Variants in SCARA3 observed in about 807,000 individuals in gnomAD.
SCARA3 encodes the protein cellular stress response gene protein.
In SCARA3, 39 loss-of-function variants were observed where a neutral mutation model predicts 47.0. That is an observed-to-expected ratio of 0.83 (90% CI 0.64 to 1.08). The LOEUF is 1.08. SCARA3 is among the 50% of genes least tolerant of loss of function. The probability of loss-of-function intolerance (pLI) is 0.00; values close to 1 mark genes in which losing one functional copy is unlikely to be tolerated. For synonymous variants in SCARA3, 356 were observed against 334.1 expected (o/e 1.07, Z -0.71); for missense variants, 724 against 792.3 (o/e 0.91, Z 1.04).
downstream of SCARA3, among the ~76,000 whole-genome samples, chr8:27,677,303 G>GCCCAA: frequency 5.9e-5 from 9 of 152,238 alleles, no homozygotes; most frequent in African/African-American, 2.2e-4. Context: ...GGTGACTGGA[G>GCCCAA]TTTGCGGCTG....
At chr8:27,720,820 C>G in the SCARA3 span, among the ~76,000 whole-genome samples, 16 of 152,132 alleles carry the variant, frequency 1.1e-4, no homozygotes, top group Middle Eastern at 6.8e-3. Context: ...ATTCGTCCAG[C>G]CTTCTATTTA....
At chr8:27,703,811 G>T in the SCARA3 span, 1 of 130,194 alleles carries the variant, frequency 7.7e-6, no homozygotes, top group Non-Finnish European at 1.7e-5. Flanking sequence ...TTTTGTGTGT[G>T]GTTTTTTGTT....
chr8:27,730,864 G>A, the SCARA3 span, among the ~76,000 whole-genome samples: 10 of 151,866 alleles, frequency 6.6e-5, no homozygotes, highest in African/African-American at 2.2e-4. Context: ...CCCTATTCCC[G>A]TTTATACCTT....
chr8:27,708,832 CTT>C, the SCARA3 span, among the ~76,000 whole-genome samples: 1 of 151,908 alleles, frequency 6.6e-6, no homozygotes, highest in Non-Finnish European at 1.5e-5. Context: ...TTTTATACAA[CTT>C]TTTTAGTTAA....
chr8:27,689,645 G>A, the SCARA3 span, among the ~76,000 whole-genome samples: 1 of 152,182 alleles, frequency 6.6e-6, no homozygotes, highest in African/African-American at 2.4e-5. Flanking sequence ...GCTGGGAACC[G>A]TGTGTTTGGG....
At chr8:27,732,810 T>G in the SCARA3 span, among the ~76,000 whole-genome samples, 1 of 152,230 alleles carries the variant, frequency 6.6e-6, no homozygotes, top group Admixed American at 6.5e-5. Flanking sequence ...AAATATGCTT[T>G]TACAGCTGGG....
chr8:27,659,640 G>T, intron 5 of SCARA3, 101 bp downstream of exon 5: 1 of 984,900 alleles, frequency 1.0e-6, no homozygotes. Context: ...GTACTAGTGG[G>T]CTAACACAAT....
the SCARA3 span, among the ~76,000 whole-genome samples, chr8:27,715,609 A>AGAT: frequency 6.6e-6 from 1 of 152,080 alleles, no homozygotes; most frequent in Middle Eastern, 3.4e-3. The surrounding 1 kb of genome is among the most constrained non-coding windows in gnomAD (Gnocchi z 4.2). Context: ...ATAGATAGAT[A>AGAT]GATAGATAGA....
the SCARA3 span, among the ~76,000 whole-genome samples, chr8:27,696,064 T>C: frequency 5.6e-3 from 854 of 151,838 alleles, 10 homozygotes; most frequent in African/African-American, 0.02. Flanking sequence ...GGCTGGAGTG[T>C]AGTGGCATGA....
the SCARA3 span, among the ~76,000 whole-genome samples, chr8:27,716,539 A>C: frequency 6.6e-6 from 1 of 152,202 alleles, no homozygotes; most frequent in African/African-American, 2.4e-5. Flanking sequence ...TCAAAAATTC[A>C]TTGGATGAAA....
chr8:27,686,289 A>G, the SCARA3 span, among the ~76,000 whole-genome samples: 4 of 152,032 alleles, frequency 2.6e-5, no homozygotes, highest in East Asian at 3.9e-4. Flanking sequence ...AAAAAGGAAA[A>G]AATTAGCCAG....
the SCARA3 span, among the ~76,000 whole-genome samples, chr8:27,730,128 A>T: frequency 1.3e-5 from 2 of 152,296 alleles, no homozygotes; most frequent in East Asian, 3.9e-4. Context: ...CAGGGATGAA[A>T]GCAAACAGCT....
intron 1 of SCARA3, among the ~76,000 whole-genome samples, chr8:27,635,445 T>C (rs988085187): frequency 6.6e-6 from 1 of 152,136 alleles, no homozygotes; most frequent in Non-Finnish European, 1.5e-5. Flanking sequence ...TTTAAAAATG[T>C]ATTTTATTTT....
rs904698701 is a variant in SCARA3 at position 27,658,586 on chromosome 8, T to C, written c.416T>C (p.Ile139Thr). 1.9e-6 allele frequency: 3 copies of C among 1,614,014 alleles called. No individual in the cohort carries two copies. The African/African-American group carries it at 4.0e-5, about 22-fold the overall frequency. ...AAACTGCAGGAGGAGCTGGAGGGAA[T>C]TCAGAAGCTGCTTCTGGCCCAGGAG... ...IRKLQEELEG[I>T]QKLLLAQEVQ... Residue 139 changes from isoleucine to threonine, a missense_variant, in exon 5 of 6, where the codon ATT becomes ACT. Coordinates refer to ENST00000301904, the MANE Select transcript of SCARA3 (RefSeq NM_016240.3).
At chr8:27,639,752 G>T (rs919794932) in intron 1 of SCARA3, among the ~76,000 whole-genome samples, 4 of 152,168 alleles carry the variant, frequency 2.6e-5, no homozygotes, top group Non-Finnish European at 5.9e-5. Context: ...GCTTGTAAAG[G>T]AGCCAAGAGG....
chr8:27,672,203 G>C lies in SCARA3; in HGVS notation c.*852G>C. ...TCTGGCCTTGCACACAGTGCCCCCT[G>C]AGAAGTTCAACATTTATTTCTTCAC... On this transcript the variant is annotated 3_prime_UTR_variant, in exon 6 of 6. Transcript: ENST00000301904. 1 of 985,448 alleles carries C rather than the reference G, an allele frequency of 1.0e-6. No homozygotes were observed. Among genetic ancestry groups the C allele is most frequent in the Non-Finnish European group, 1.2e-6 (1 of 829,960 alleles). 61.0% of individuals were successfully genotyped at this position (985,448 alleles called of 1,614,324 possible).
intron 3 of SCARA3, among the ~76,000 whole-genome samples, chr8:27,652,706 TGCTCTGTGCCAG>T (rs1434518785): frequency 1.3e-5 from 2 of 152,248 alleles, no homozygotes; most frequent in African/African-American, 4.8e-5. Context: ...GCCGGGAGCC[TGCTCTGTGCCAG>T]GCACTGGGAA....
the SCARA3 span, among the ~76,000 whole-genome samples, chr8:27,689,530 G>C: frequency 5.3e-5 from 8 of 152,306 alleles, no homozygotes; most frequent in East Asian, 1.5e-3. Context: ...GAGCAGATCT[G>C]GGTGGGAGGA....
Position 27,659,484 on chromosome 8 carries a change from G to A in SCARA3, c.1314G>A (p.Met438Ile). The A allele has an allele frequency of 6.8e-6, 11 of 1,613,962 alleles. No individual in the cohort carries two copies. Among genetic ancestry groups the A allele is most frequent in the Non-Finnish European group, 8.5e-6 (10 of 1,179,950 alleles). Residue 438 changes from methionine (M) to isoleucine (I), a missense_variant, in exon 5 of 6, where the codon ATG becomes ATA. Physicochemically the swap from Met to Ile is conservative, Grantham distance 10. Transcript: ENST00000301904. ...VRNLSMIVEE[M>I]KAVDTQHGEI... ...ACCTCTCCATGATCGTGGAGGAGATGAAGGCAGTGGACACACAGCATGGAG... is the reference window on the plus strand; with the variant it reads ...ACCTCTCCATGATCGTGGAGGAGATAAAGGCAGTGGACACACAGCATGGAG...
Sources: allele counts gnomAD v4.1 joint callset (sites outside exome capture counted in the v4.1 genomes callset), GRCh38; gene constraint gnomAD v4.1.1; non-coding constraint Gnocchi (gnomAD v3.1); transcripts MANE v1.5; gene names NCBI Gene and HGNC (gene_info 2026-07-23, HGNC 2026-07-21).